DMXL1: variants seen among roughly 807,000 people sequenced by gnomAD.
DMXL1 encodes Dmx like 1.
In DMXL1, 99 loss-of-function variants were observed where a neutral mutation model predicts 319.2. The observed-to-expected ratio is 0.31, with a 90% CI of 0.26 to 0.37. The LOEUF is 0.37. DMXL1 is among the 10% of genes least tolerant of loss of function. The pLI is 1.00. For missense variants in DMXL1, 3,745 were observed against 3,595.6 expected, an observed-to-expected ratio of 1.04 and a Z score of -1.06; for synonymous variants, 1,385 against 1,235.2, an observed-to-expected ratio of 1.12 and a Z score of -2.54.
chr5:119,091,891 A>G (rs963682292), intron 1 of DMXL1, among the ~76,000 whole-genome samples: 1 of 152,180 alleles, frequency 6.6e-6, no homozygotes, highest in Non-Finnish European at 1.5e-5. Context: ...GGATGCAGAT[A>G]ATAATACTGC....
At position 119,216,907 on chromosome 5, in the gene DMXL1, G is replaced by A. The variant is rs1430368567; in HGVS notation, c.7933G>A (p.Ala2645Thr). Reference sequence around the variant, plus strand: ...TTTGTTTCCTTTTATTTAGATAGAAGCAGATTTGGGATATCCTGGAGGTAA... The same window carrying A: ...TTTGTTTCCTTTTATTTAGATAGAAACAGATTTGGGATATCCTGGAGGTAA... ...MEEPNINKIE[A>T]DLGYPGGKAR... Residue 2645 changes from alanine (A) to threonine (T), a missense_variant, in exon 35 of 44, where the codon GCA becomes ACA. By Grantham distance (58) the Ala-to-Thr change is moderately conservative (BLOSUM62 0). Around this residue, in one of 4 missense-constraint regions of DMXL1, gnomAD observed 1,382 missense variants for 1,269.5 expected, o/e 1.09. Coordinates refer to ENST00000539542, the MANE Select transcript of DMXL1 (RefSeq NM_001290321.3). The A allele has an allele frequency of 3.2e-6, 5 of 1,585,142 alleles. No individual in the cohort carries two copies. The African/African-American group carries it at 5.4e-5, about 17-fold the overall frequency.
rs1043073457 is a variant in DMXL1, at chr5:119,081,718, C to A, written c.87+10062C>A. 21 of 985,104 alleles carry A rather than the reference C, an allele frequency of 2.1e-5. No homozygotes were observed. The South Asian group carries it at 8.0e-4, about 37-fold the overall frequency. The allele number at this position is 985,104 out of a possible 1,614,324, so 61.0% of individuals were successfully genotyped here. A position where few individuals can be genotyped will look rare whatever the true frequency, so the allele number is the denominator to read the frequency against. ...CAGAGGTACCCTTGCTTAACCTTTT[C>A]GTTTTAACTAATGGGGACAAATTGA... On this transcript the variant is annotated intron_variant, in intron 1 of 43. Coordinates refer to ENST00000539542, the MANE Select transcript of DMXL1 (RefSeq NM_001290321.3).
At chr5:119,194,453 C>T (rs539849725) in intron 30 of DMXL1, among the ~76,000 whole-genome samples, 1 of 152,342 alleles carries the variant, frequency 6.6e-6, no homozygotes, top group East Asian at 1.9e-4. Context: ...AGCTCCAATA[C>T]TGCGTTATTC....
intron 32 of DMXL1, among the ~76,000 whole-genome samples, chr5:119,199,586 A>G (rs910699312): frequency 1.2e-4 from 18 of 152,156 alleles, no homozygotes; most frequent in African/African-American, 3.9e-4. Context: ...ATACCCAGTA[A>G]TGGGTTTGCT....
intron 19 of DMXL1, among the ~76,000 whole-genome samples, chr5:119,160,134 C>CAG (rs924308162): frequency 4.0e-5 from 6 of 150,906 alleles, no homozygotes; most frequent in African/African-American, 1.5e-4. Context: ...GTTTATTTGA[C>CAG]AGAGATATAT....
At position 119,133,220 on chromosome 5, in the gene DMXL1, A is replaced by C; in HGVS notation, c.1404A>C (p.Thr468=). The part of the protein sequence containing the change: ...CDKMVPNSSF[T]SLSSAAIDHQ... ...AAATGGTACCAAACTCAAGTTTTACATCATTATCGTCAGCTGCCATTGATC... is the reference window on the plus strand; with the variant it reads ...AAATGGTACCAAACTCAAGTTTTACCTCATTATCGTCAGCTGCCATTGATC... Residue 468 remains threonine (T), a synonymous_variant, in exon 11 of 44, where the codon ACA becomes ACC. Transcript: ENST00000539542. The C allele has an allele frequency of 6.2e-7, 1 of 1,614,244 alleles. No homozygotes were observed. The highest frequency in any genetic ancestry group is 8.5e-7 in the Non-Finnish European group (1 of 1,180,040).
chr5:119,071,454 T>G lies in DMXL1; in HGVS notation c.-116T>G. 1 of 1,040,556 alleles carries G rather than the reference T, an allele frequency of 9.6e-7. No individual in the cohort carries two copies. The highest frequency in any genetic ancestry group is 1.4e-5 in the South Asian group (1 of 73,254). 64.5% of individuals were successfully genotyped at this position (1,040,556 alleles called of 1,614,324 possible). A position where few individuals can be genotyped will look rare whatever the true frequency, so the allele number is the denominator to read the frequency against. On this transcript the variant is annotated 5_prime_UTR_variant, in exon 1 of 44. Coordinates refer to ENST00000539542, the MANE Select transcript of DMXL1 (RefSeq NM_001290321.3). ...TCCGGCTCCAGGCGCCTGTCGCTGC[T>G]TCTGCCGTCGCCACCGAAGAGCGGC...
At chr5:119,222,279 G>T (rs952365928) in intron 37 of DMXL1, among the ~76,000 whole-genome samples, 1 of 152,160 alleles carries the variant, frequency 6.6e-6, no homozygotes, top group Non-Finnish European at 1.5e-5. Flanking sequence ...TTTGTTAAAT[G>T]TATGGTAGAG....
chr5:119,216,756 A>G (rs1393021324), intron 34 of DMXL1, 145 bp from the exon 35 acceptor site: 1 of 538,774 alleles, frequency 1.9e-6, no homozygotes, highest in Non-Finnish European at 3.2e-6. Context: ...TTTAGGGATA[A>G]TTAGCATATA....
intron 1 of DMXL1, among the ~76,000 whole-genome samples, chr5:119,076,405 T>G (rs1289937544): frequency 1.3e-5 from 2 of 152,068 alleles, no homozygotes; most frequent in East Asian, 1.9e-4. Flanking sequence ...GTGTTTGTTT[T>G]TTTTTTCTGA....
At chr5:119,076,035 A>T (rs1427631776) in intron 1 of DMXL1, among the ~76,000 whole-genome samples, 1 of 152,092 alleles carries the variant, frequency 6.6e-6, no homozygotes, top group Non-Finnish European at 1.5e-5. Context: ...TAGGGTTGAA[A>T]CTGTGATTTG....
At position 119,118,860 on chromosome 5, in the gene DMXL1, G is replaced by A; in HGVS notation, c.789G>A (p.Val263=). The A allele has an allele frequency of 2.5e-6, 4 of 1,613,866 alleles. No individual in the cohort carries two copies. The highest frequency in any genetic ancestry group is 3.4e-6 in the Non-Finnish European group (4 of 1,179,912). ...NVLLTCCKDN[V]CRLWVETFLP... is the part of the protein sequence containing the mutation. Reference sequence around the variant, plus strand: ...TGTTGACTTGCTGCAAAGATAATGTGTGTCGTCTTTGGGTAGAGACATTTT... The same window carrying A: ...TGTTGACTTGCTGCAAAGATAATGTATGTCGTCTTTGGGTAGAGACATTTT... Residue 263 remains valine, a synonymous_variant, in exon 8 of 44, where the codon GTG becomes GTA. Coordinates refer to ENST00000539542, the MANE Select transcript of DMXL1 (RefSeq NM_001290321.3).
chr5:119,116,471 C>T (rs1580791033), intron 7 of DMXL1, 135 bp downstream of exon 7: 1 of 935,936 alleles, frequency 1.1e-6, no homozygotes, highest in Non-Finnish European at 1.6e-6. Flanking sequence ...ATTAAATCGT[C>T]TCTGGCCTGC....
At chr5:119,163,796 C>T (rs984713101) in intron 19 of DMXL1, among the ~76,000 whole-genome samples, 4 of 152,130 alleles carry the variant, frequency 2.6e-5, no homozygotes, top group African/African-American at 4.8e-5. Flanking sequence ...AGGATGGTCT[C>T]GATCTCCTGA....
intron 1 of DMXL1, among the ~76,000 whole-genome samples, chr5:119,089,298 T>TATATATGCA (rs1561549878): frequency 1.9e-5 from 1 of 52,572 alleles, no homozygotes; most frequent in African/African-American, 6.7e-5. Flanking sequence ...ATATATTTTT[T>TATATATGCA]TTTTTTTTTT....
At position 119,239,091 on chromosome 5, in the gene DMXL1, A is replaced by T; in HGVS notation, c.8651+11A>T. On this transcript the variant is annotated intron_variant, in intron 41 of 43. Transcript: ENST00000539542. Reference sequence around the variant, plus strand: ...TTCAACTGACAATAGGTAAGAGATGATAGCTAAAATTGAAGTATGAGAAAG... The same window carrying T: ...TTCAACTGACAATAGGTAAGAGATGTTAGCTAAAATTGAAGTATGAGAAAG... 1 of 1,613,158 alleles carries T rather than the reference A, an allele frequency of 6.2e-7. No individual in the cohort carries two copies. The highest frequency in any genetic ancestry group is 1.3e-5 in the African/African-American group (1 of 75,050).
At chr5:119,145,027 CTTAA>C (rs966661927) in intron 15 of DMXL1, among the ~76,000 whole-genome samples, 11 of 151,654 alleles carry the variant, frequency 7.3e-5, no homozygotes, top group African/African-American at 1.5e-4. Context: ...AACTAATTGT[CTTAA>C]TTAATGCTTT....
rs1465019264 is a variant in DMXL1 at position 119,100,780 on chromosome 5, T to C, written c.214-1155T>C. 649 of 131,882 alleles carry C rather than the reference T, an allele frequency of 4.9e-3. 5 individuals are homozygous for C. Among genetic ancestry groups the C allele is most frequent in the African/African-American group, 0.018 (619 of 35,126 alleles). 8.2% of individuals were successfully genotyped at this position (131,882 alleles called of 1,614,324 possible). The stretch of plus-strand genomic sequence containing the variant: ...CTTTACATCTGTTTTCTTTTTTTTT[T>C]TTTTTTTTTTTTTTTTTGAGACGGA... On this transcript the variant is annotated intron_variant, in intron 2 of 43. Transcript: ENST00000539542.
chr5:119,223,292 A>C (rs752804723), intron 37 of DMXL1, among the ~76,000 whole-genome samples: 4 of 151,976 alleles, frequency 2.6e-5, no homozygotes, highest in Non-Finnish European at 5.9e-5. Context: ...CCTGGCCTCA[A>C]GTGATGCACC....
Sources: allele counts gnomAD v4.1 joint callset (sites outside exome capture counted in the v4.1 genomes callset), GRCh38; gene constraint gnomAD v4.1.1; regional missense constraint gnomAD v4.1.1; transcripts MANE v1.5; gene names NCBI Gene and HGNC (gene_info 2026-07-23, HGNC 2026-07-21).